Variants in CYP2C19 observed in about 807,000 individuals in gnomAD.
The protein encoded by CYP2C19 is cytochrome P450 2C19.
A neutral mutation model predicts 40.9 loss-of-function variants in CYP2C19; 59 were observed. The ratio of observed to expected loss-of-function variants is 1.44; its 90% CI spans 1.17 to 1.79. The LOEUF (loss-of-function observed/expected upper bound fraction) is 1.79, where lower values mean the gene tolerates loss of function less well. Ranked by LOEUF, CYP2C19 falls within the 40% of genes most tolerant of loss-of-function variation. The pLI, the probability that CYP2C19 is intolerant of heterozygous loss-of-function variation, is 0.00. For missense variants in CYP2C19, 754 were observed against 596.9 expected (o/e 1.26, Z -2.74); for synonymous variants, 253 against 208.7 (o/e 1.21, Z -1.83).
chr10:94,830,569 G>A (rs557512477), intron 6 of CYP2C19, among the ~76,000 whole-genome samples: 214 of 152,262 alleles, frequency 1.4e-3, no homozygotes, highest in Non-Finnish European at 2.3e-3. Flanking sequence ...ACTCCCTAGT[G>A]AGATGAACCG....
chr10:94,817,830 G>A (rs112061306), intron 5 of CYP2C19, among the ~76,000 whole-genome samples: 19 of 151,700 alleles, frequency 1.3e-4, no homozygotes, highest in Non-Finnish European at 1.6e-4. Flanking sequence ...TGGCTAAAAC[G>A]GTGAAACCCC....
chr10:94,827,688 T>A (rs544174395), intron 6 of CYP2C19, among the ~76,000 whole-genome samples: 1 of 152,354 alleles, frequency 6.6e-6, no homozygotes, highest in African/African-American at 2.4e-5. Context: ...ATTTTAGTTA[T>A]TTGTTGCCTT....
intron 5 of CYP2C19, among the ~76,000 whole-genome samples, chr10:94,794,608 A>G (rs1179434506): frequency 6.6e-6 from 1 of 152,044 alleles, no homozygotes; most frequent in Admixed American, 6.6e-5. Flanking sequence ...CTCCTTGAAG[A>G]GGTCCTTCAC....
intron 5 of CYP2C19, among the ~76,000 whole-genome samples, chr10:94,784,837 A>G (rs939729153): frequency 6.6e-6 from 1 of 151,922 alleles, no homozygotes; most frequent in Non-Finnish European, 1.5e-5. Context: ...TGATCTGCCC[A>G]CCTTGGCATC....
intron 5 of CYP2C19, among the ~76,000 whole-genome samples, chr10:94,795,532 C>T (rs1042949781): frequency 2.0e-5 from 3 of 150,694 alleles, no homozygotes; most frequent in African/African-American, 7.5e-5. Flanking sequence ...AATGGGATGG[C>T]TGGGTCAAAT....
chr10:94,820,721 AGAG>A (rs1849104627), intron 6 of CYP2C19, 84 bp downstream of exon 6: 11 of 1,543,718 alleles, frequency 7.1e-6, no homozygotes, highest in Admixed American at 3.4e-5. Context: ...TGTTTCTCTT[AGAG>A]AAGTTCCATT....
chr10:94,847,803 G>T (rs374471853), intron 7 of CYP2C19, among the ~76,000 whole-genome samples: 23 of 152,202 alleles, frequency 1.5e-4, no homozygotes, highest in Non-Finnish European at 2.9e-4. Flanking sequence ...CATTGTGGTT[G>T]TGATTTGCAT....
chr10:94,853,549 T>TC lies in CYP2C19; in HGVS notation c.*635_*636insC. Reference sequence around the variant, plus strand: ...TTAAATGTTCCACATTGGTGTTCCTTTTTTTTTTTTTTTTGAGACAATGTC... The same window carrying TC: ...TTAAATGTTCCACATTGGTGTTCCTTCTTTTTTTTTTTTTTGAGACAATGTC... On this transcript the variant is annotated 3_prime_UTR_variant, in exon 9 of 9. Coordinates refer to ENST00000371321, the MANE Select transcript of CYP2C19 (RefSeq NM_000769.4). Among the ~76,000 whole-genome samples, 1 of 149,212 alleles carries TC rather than the reference T, an allele frequency of 6.7e-6. No homozygotes were observed. The highest frequency in any genetic ancestry group is 2.1e-4 in the South Asian group (1 of 4,676).
chr10:94,813,768 T>G (rs1206658072), intron 5 of CYP2C19, among the ~76,000 whole-genome samples: 3 of 150,996 alleles, frequency 2.0e-5, no homozygotes, highest in Non-Finnish European at 4.4e-5. Context: ...GCTCCCTGGC[T>G]TCAGTCCTCT....
At chr10:94,763,230 C>T (rs1198563630) in intron 1 of CYP2C19, among the ~76,000 whole-genome samples, 1 of 152,078 alleles carries the variant, frequency 6.6e-6, no homozygotes, top group African/African-American at 2.4e-5. Flanking sequence ...AAGTCCTCTA[C>T]TATATTAGCC....
At position 94,842,921 on chromosome 10, in the gene CYP2C19, A is replaced by T; in HGVS notation, c.1046A>T (p.Asp349Val). 1.2e-6 allele frequency: 2 copies of T among 1,614,206 alleles called. No individual in the cohort carries two copies. Among genetic ancestry groups the T allele is most frequent in the Non-Finnish European group, 1.7e-6 (2 of 1,180,038 alleles). ...GACAGGGGCCACATGCCCTACACAG[A>T]TGCTGTGGTGCACGAGGTCCAGAGA... is the stretch of plus-strand genomic sequence containing the variant. ...MQDRGHMPYT[D>V]AVVHEVQRYI... Residue 349 changes from aspartate to valine, a missense_variant, in exon 7 of 9, where the codon GAT (aspartate) becomes GTT (valine). Asp to Val is a radical substitution (Grantham distance 152). Coordinates refer to ENST00000371321, the MANE Select transcript of CYP2C19 (RefSeq NM_000769.4).
At chr10:94,796,866 G>T (rs1050218850) in intron 5 of CYP2C19, among the ~76,000 whole-genome samples, 1 of 152,134 alleles carries the variant, frequency 6.6e-6, no homozygotes, top group African/African-American at 2.4e-5. Flanking sequence ...TACTGAAGTT[G>T]CTTATCAGCT....
chr10:94,762,776 C>G lies in CYP2C19; in HGVS notation c.71C>G (p.Ser24Cys). 6.2e-7 allele frequency: 1 copy of G among 1,613,880 alleles called. No individual in the cohort carries two copies. Among genetic ancestry groups the G allele is most frequent in the African/African-American group, 1.3e-5 (1 of 75,004 alleles). The change falls in exon 1 of 9, where the codon TCT (serine) becomes TGT (cysteine). Residue 24 changes from serine (S) to cysteine (C), a missense_variant. Coordinates refer to ENST00000371321, the MANE Select transcript of CYP2C19 (RefSeq NM_000769.4). ...CTCCTTTCAATCTGGAGACAGAGCT[C>G]TGGGAGAGGAAAACTCCCTCCTGGC... ...LLLLSIWRQS[S>C]GRGKLPPGPT... is the part of the protein sequence containing the mutation.
chr10:94,839,266 C>T (rs1043316684), intron 6 of CYP2C19, among the ~76,000 whole-genome samples: 1 of 152,104 alleles, frequency 6.6e-6, no homozygotes, highest in African/African-American at 2.4e-5. Context: ...TGGTCCTTTA[C>T]CAGCTTGCCC....
At chr10:94,828,340 G>C (rs965942960) in intron 6 of CYP2C19, among the ~76,000 whole-genome samples, 1 of 151,722 alleles carries the variant, frequency 6.6e-6, no homozygotes, top group African/African-American at 2.4e-5. Context: ...TATGAATCTT[G>C]GTGCTCCTGT....
In CYP2C19 at chr10:94,787,905, A is replaced by G. The variant is rs150032067; in HGVS notation, c.819+5908A>G. 3.1e-3 allele frequency among the ~76,000 whole-genome samples: 472 copies of G among 152,246 alleles called. 3 individuals are homozygous for G. The highest frequency in any genetic ancestry group is 0.011 in the African/African-American group (449 of 41,548). ...ATAGTTTTTCCTTATTCTGTGAAAA[A>G]TGACATTGGTAGTTTGATAGGAATA... On this transcript the variant is annotated intron_variant, in intron 5 of 8. Transcript: ENST00000371321.
chr10:94,769,407 G>T (rs756988540), intron 1 of CYP2C19, among the ~76,000 whole-genome samples: 1 of 152,152 alleles, frequency 6.6e-6, no homozygotes, highest in Non-Finnish European at 1.5e-5. Context: ...ATCCTCAAAG[G>T]CAAAGAGAAA....
At position 94,797,316 on chromosome 10, in the gene CYP2C19, C is replaced by T. The variant is rs147574344; in HGVS notation, c.819+15319C>T. On this transcript the variant is annotated intron_variant, in intron 5 of 8. Transcript: ENST00000371321. ...CGTTTATTGATTTGCATATGTTGAA[C>T]CAGCCTTGCATCCCAGGGATGAAGC... 4.7e-3 allele frequency among the ~76,000 whole-genome samples: 712 copies of T among 152,118 alleles called. 3 individuals are homozygous for T. The highest frequency in any genetic ancestry group is 0.017 in the African/African-American group (689 of 41,520).
chr10:94,790,157 G>A lies in CYP2C19; in HGVS notation c.819+8160G>A, dbSNP rs191713365. Among the ~76,000 whole-genome samples the A allele has an allele frequency of 1.6e-3, 240 of 152,152 alleles. 1 individual carries two copies. Among genetic ancestry groups the A allele is most frequent in the Non-Finnish European group, 2.7e-3 (187 of 68,004 alleles). ...TTGGCTCTCTGTTTATCTATTATTG[G>A]TGTATAGGAATGCTTATGATTTTTG... On this transcript the variant is annotated intron_variant, in intron 5 of 8. Transcript: ENST00000371321.
Sources: gnomAD v4.1 joint callset for allele counts (sites outside exome capture counted in the v4.1 genomes callset) on GRCh38, gnomAD v4.1.1 for gene constraint, MANE v1.5 for transcripts, NCBI Gene and HGNC (gene_info 2026-07-23, HGNC 2026-07-21) for gene names.